CTNNA2: variants seen among roughly 807,000 people sequenced by gnomAD.
CTNNA2 encodes the protein catenin alpha 2.
Under a neutral mutation model 101.0 loss-of-function variants are expected in CTNNA2, and 42 were observed. That is an observed-to-expected ratio of 0.42 (90% CI 0.32 to 0.54). The LOEUF (loss-of-function observed/expected upper bound fraction) is 0.54, where lower values mean the gene tolerates loss of function less well. CTNNA2 is among the 20% of genes least tolerant of loss of function. CTNNA2 has a pLI of 0.14. For synonymous variants in CTNNA2, 450 were observed against 456.4 expected (o/e 0.99, Z 0.18); for missense variants, 871 against 1,223.1 (o/e 0.71, Z 4.29).
At chr2:80,074,616 C>A (rs1195574216) in intron 7 of CTNNA2, among the ~76,000 whole-genome samples, 1 of 152,078 alleles carries the variant, frequency 6.6e-6, no homozygotes, top group African/African-American at 2.4e-5. Flanking sequence ...ACTCTCAATG[C>A]AGTTGCAGTG....
intron 7 of CTNNA2, among the ~76,000 whole-genome samples, chr2:80,181,257 T>G (rs1035171591): frequency 1.1e-4 from 17 of 152,096 alleles, no homozygotes; most frequent in Non-Finnish European, 1.8e-4. Context: ...CAGTACAGGA[T>G]TAATCTCTGA....
intron 2 of CTNNA2, among the ~76,000 whole-genome samples, chr2:79,661,527 T>C (rs1682035277): frequency 1.3e-5 from 2 of 152,250 alleles, no homozygotes; most frequent in Admixed American, 6.5e-5. Flanking sequence ...CACAAGATAC[T>C]AAGGCCCAGT....
chr2:80,092,259 G>GTATA (rs1033372205), intron 7 of CTNNA2, among the ~76,000 whole-genome samples: 4 of 152,122 alleles, frequency 2.6e-5, no homozygotes, highest in Admixed American at 2.6e-4. Context: ...ATAAGTAGTT[G>GTATA]TATAGCAAAT....
rs144849557 is a variant in CTNNA2, at chr2:80,214,105, T to C, written c.1057-179106T>C. ...CATCCCTTTGTTTTGAGCCTATGTGTCTCTGCACATGAGATGGGTCTCCTG... is the reference window on the plus strand; with the variant it reads ...CATCCCTTTGTTTTGAGCCTATGTGCCTCTGCACATGAGATGGGTCTCCTG... On this transcript the variant is annotated intron_variant, in intron 7 of 18. Transcript: ENST00000402739. 4.6e-3 allele frequency among the ~76,000 whole-genome samples: 697 copies of C among 152,278 alleles called. 4 individuals are homozygous for C. The highest frequency in any genetic ancestry group is 0.016 in the African/African-American group (657 of 41,552).
intron 3 of CTNNA2, among the ~76,000 whole-genome samples, chr2:79,324,270 G>T (rs1676692289): frequency 6.6e-6 from 1 of 152,198 alleles, no homozygotes; most frequent in South Asian, 2.1e-4. Flanking sequence ...CAGCTTGTTG[G>T]AGTATGCATG....
At chr2:80,531,796 A>G (rs192757451) in intron 9 of CTNNA2, among the ~76,000 whole-genome samples, 6 of 152,336 alleles carry the variant, frequency 3.9e-5, no homozygotes, top group Non-Finnish European at 8.8e-5. Context: ...CATAAATACT[A>G]TAAGTTGATA....
intron 2 of CTNNA2, chr2:79,687,828 C>T: frequency 2.3e-6 from 1 of 426,878 alleles, no homozygotes. Flanking sequence ...GGGTTTCTGG[C>T]AAGCCCTGAT....
In CTNNA2 at chr2:79,879,574, G is replaced by T. The variant is rs150082166; in HGVS notation, c.852+5232G>T. ...TATTCCTAGGTATTTTATTATCTTT[G>T]TAGCTATTGTGAATGGGAGTTCATT... On this transcript the variant is annotated intron_variant, in intron 6 of 18. Coordinates refer to ENST00000402739, the MANE Select transcript of CTNNA2 (RefSeq NM_001282597.3). 1.0e-2 allele frequency among the ~76,000 whole-genome samples: 1,520 copies of T among 152,026 alleles called. 25 individuals are homozygous for T. The highest frequency in any genetic ancestry group is 0.034 in the African/African-American group (1,406 of 41,448).
intron 7 of CTNNA2, among the ~76,000 whole-genome samples, chr2:80,331,036 T>C (rs1340890992): frequency 6.6e-6 from 1 of 151,928 alleles, no homozygotes; most frequent in Non-Finnish European, 1.5e-5. Context: ...TTTTTTTTTT[T>C]TTTCCTTCCC....
intron 7 of CTNNA2, among the ~76,000 whole-genome samples, chr2:79,937,801 C>T (rs1391236095): frequency 6.6e-6 from 1 of 152,196 alleles, no homozygotes; most frequent in Non-Finnish European, 1.5e-5. Flanking sequence ...AAGAGGACTA[C>T]ATTTCTTTCT....
At chr2:79,338,610 C>A (rs903753219) in intron 3 of CTNNA2, among the ~76,000 whole-genome samples, 30 of 149,036 alleles carry the variant, frequency 2.0e-4, no homozygotes, top group Admixed American at 1.8e-3. Flanking sequence ...TCTTCTTCTT[C>A]TTCTTCTTCT....
intron 1 of CTNNA2, among the ~76,000 whole-genome samples, chr2:79,560,187 G>A (rs1337291886): frequency 1.3e-4 from 19 of 151,648 alleles, no homozygotes; most frequent in Non-Finnish European, 2.7e-4. Flanking sequence ...AAGTAAATTA[G>A]TATCAAAACT....
intron 1 of CTNNA2, among the ~76,000 whole-genome samples, chr2:79,526,109 T>C (rs1672391177): frequency 6.6e-6 from 1 of 152,044 alleles, no homozygotes; most frequent in Admixed American, 6.6e-5. Context: ...TAATACCATA[T>C]GAAATAAATA....
At chr2:79,395,823 G>A (rs1678223557) in intron 4 of CTNNA2, among the ~76,000 whole-genome samples, 1 of 152,046 alleles carries the variant, frequency 6.6e-6, no homozygotes. Context: ...ATTTTTTTCA[G>A]ACAGTGTCTC....
At chr2:79,703,109 G>A (rs1368432160) in intron 2 of CTNNA2, among the ~76,000 whole-genome samples, 1 of 152,216 alleles carries the variant, frequency 6.6e-6, no homozygotes, top group East Asian at 1.9e-4. Flanking sequence ...AATCTGGAGA[G>A]CTTGTCATAG....
intron 1 of CTNNA2, among the ~76,000 whole-genome samples, chr2:79,579,214 C>CCCTCCCTCTATCCCTTCCCTTCCCTT (rs1675993040): frequency 6.8e-6 from 1 of 146,808 alleles, no homozygotes; most frequent in Non-Finnish European, 1.5e-5. Flanking sequence ...CTCCTTCCCT[C>CCCTCCCTCTATCCCTTCCCTTCCCTT]CCTCCCTCTA....
chr2:80,112,396 A>T (rs929476853), intron 7 of CTNNA2, among the ~76,000 whole-genome samples: 2 of 152,304 alleles, frequency 1.3e-5, no homozygotes, highest in East Asian at 1.9e-4. Context: ...TTACTATTTG[A>T]CCTTTCATAG....
chr2:80,126,634 C>CCCTT (rs1178536900), intron 7 of CTNNA2, among the ~76,000 whole-genome samples: 745 of 26,052 alleles, frequency 0.029, 28 homozygotes, highest in African/African-American at 0.053. Flanking sequence ...CTCCCTCCCT[C>CCCTT]CCTTCCTTCC....
chr2:80,088,958 G>C (rs1699610264), intron 7 of CTNNA2, among the ~76,000 whole-genome samples: 1 of 151,862 alleles, frequency 6.6e-6, no homozygotes. Context: ...ATAGACAACA[G>C]CAAATTGGAG....
Sources: allele counts gnomAD v4.1 joint callset (sites outside exome capture counted in the v4.1 genomes callset), GRCh38; gene constraint gnomAD v4.1.1; transcripts MANE v1.5; gene names NCBI Gene and HGNC (gene_info 2026-07-23, HGNC 2026-07-21).